CDC27: variants seen among roughly 807,000 people sequenced by gnomAD.
CDC27 encodes cell division cycle protein 27 homolog.
A neutral mutation model predicts 109.7 loss-of-function variants in CDC27; 27 were observed. The observed-to-expected ratio is 0.25, with a 90% CI of 0.18 to 0.34. The LOEUF (loss-of-function observed/expected upper bound fraction) is 0.34, where lower values mean the gene tolerates loss of function less well. CDC27 is among the 10% of genes least tolerant of loss of function. The pLI, the probability that CDC27 is intolerant of heterozygous loss-of-function variation, is 1.00. For missense variants in CDC27, 579 were observed against 960.2 expected, an observed-to-expected ratio of 0.60 and a Z score of 5.25; for synonymous variants, 266 against 333.9, an observed-to-expected ratio of 0.80 and a Z score of 2.22.
At chr17:47,142,965 C>T (rs375751451) in intron 10 of CDC27, among the ~76,000 whole-genome samples, 16 of 145,336 alleles carry the variant, frequency 1.1e-4, no homozygotes, top group Admixed American at 1.1e-3. Flanking sequence ...CATGAGCCAC[C>T]GTGCCCGGCC....
intron 2 of CDC27, 116 bp downstream of exon 2, chr17:47,181,446 C>A (rs1386734376): frequency 3.6e-6 from 2 of 556,602 alleles, no homozygotes; most frequent in African/African-American, 3.8e-5. Flanking sequence ...GAACTAGTGT[C>A]AATCAGAAAA....
At chr17:47,152,029 A>G (rs926947749) in intron 8 of CDC27, 111 bp from the exon 9 acceptor site, 1 of 832,502 alleles carries the variant, frequency 1.2e-6, no homozygotes, top group African/African-American at 1.8e-5. Flanking sequence ...GCCATAATAT[A>G]CTGTCACCTT....
At chr17:47,132,200 A>C in intron 15 of CDC27, 57 bp downstream of exon 15, 1 of 835,290 alleles carries the variant, frequency 1.2e-6, no homozygotes. Context: ...TAAATCAATA[A>C]CAAACATATT....
At chr17:47,134,790 T>C (rs1007366311) in intron 14 of CDC27, among the ~76,000 whole-genome samples, 6 of 150,160 alleles carry the variant, frequency 4.0e-5, no homozygotes, top group South Asian at 2.1e-4. Context: ...GTTTTCTTTT[T>C]TTTTTTTTTT....
intron 1 of CDC27, among the ~76,000 whole-genome samples, chr17:47,186,882 C>T (rs551977854): frequency 3.3e-5 from 5 of 152,240 alleles, no homozygotes; most frequent in Admixed American, 6.5e-5. Context: ...TCATTGCTTT[C>T]CAAATACACG....
At chr17:47,188,888 G>C in intron 1 of CDC27, 1 of 1,385,002 alleles carries the variant, frequency 7.2e-7, no homozygotes. Context: ...AGGCTGGCCG[G>C]ACGTTGGCTC....
Position 47,137,277 on chromosome 17 carries a change from A to G in CDC27, c.1788T>C (p.Val596=). ...TATAGGCATAAGCGTAATTTGGATC[A>G]ACTTGGATAGCTCTCTGGAAGAATT... ...AIKFFQRAIQ[V]DPNYAYAYTL... Residue 596 remains valine (V), a synonymous_variant, in exon 14 of 19, where the codon GTT becomes GTC. Coordinates refer to ENST00000066544, the MANE Select transcript of CDC27 (RefSeq NM_001256.6). 1 of 1,612,188 alleles carries G rather than the reference A, an allele frequency of 6.2e-7. No homozygotes were observed. The highest frequency in any genetic ancestry group is 8.5e-7 in the Non-Finnish European group (1 of 1,179,086).
At chr17:47,129,069 C>T (rs2062237656) in intron 16 of CDC27, among the ~76,000 whole-genome samples, 1 of 152,180 alleles carries the variant, frequency 6.6e-6, no homozygotes, top group Non-Finnish European at 1.5e-5. Flanking sequence ...CTGCGCCTGG[C>T]CCATACATTC....
intron 4 of CDC27, chr17:47,159,703 G>A (rs1279814455): frequency 1.2e-5 from 5 of 420,590 alleles, no homozygotes; most frequent in African/African-American, 2.1e-5. Context: ...CAAACGCCTC[G>A]AACCTGGTGC....
At chr17:47,161,478 C>T (rs1270789945) in intron 4 of CDC27, among the ~76,000 whole-genome samples, 3 of 152,110 alleles carry the variant, frequency 2.0e-5, no homozygotes, top group Non-Finnish European at 2.9e-5. Context: ...CAGCCAGGCA[C>T]GGTGGCTCAT....
At chr17:47,175,332 C>CAAATTT (rs1909399160) in intron 2 of CDC27, among the ~76,000 whole-genome samples, 1 of 152,148 alleles carries the variant, frequency 6.6e-6, no homozygotes, top group Admixed American at 6.5e-5. Flanking sequence ...CTAAAATGGA[C>CAAATTT]CAATTTTGAC....
At chr17:47,163,509 T>C (rs1324669224) in intron 4 of CDC27, among the ~76,000 whole-genome samples, 1 of 152,092 alleles carries the variant, frequency 6.6e-6, no homozygotes, top group Non-Finnish European at 1.5e-5. Flanking sequence ...AAGACCAGCC[T>C]GGGCAACATA....
At chr17:47,135,876 C>T (rs1364808863) in intron 14 of CDC27, among the ~76,000 whole-genome samples, 3 of 152,090 alleles carry the variant, frequency 2.0e-5, no homozygotes, top group African/African-American at 7.2e-5. Flanking sequence ...GGTATGGTGG[C>T]TCATGCCTGT....
At chr17:47,153,913 T>C (rs1159723067) in intron 8 of CDC27, among the ~76,000 whole-genome samples, 1 of 151,890 alleles carries the variant, frequency 6.6e-6, no homozygotes, top group Non-Finnish European at 1.5e-5. Flanking sequence ...TGAGATCCTG[T>C]CTCTACAAAA....
At chr17:47,153,648 A>G (rs753230227) in intron 8 of CDC27, among the ~76,000 whole-genome samples, 5 of 152,220 alleles carry the variant, frequency 3.3e-5, no homozygotes, top group African/African-American at 4.8e-5. Flanking sequence ...CATTTCTTGA[A>G]TATTTATGAA....
chr17:47,121,995 C>T (rs1239659897), intron 18 of CDC27, among the ~76,000 whole-genome samples: 1 of 152,102 alleles, frequency 6.6e-6, no homozygotes, highest in Non-Finnish European at 1.5e-5. Flanking sequence ...ACCTCCACCT[C>T]CCAAAGTGTT....
intron 3 of CDC27, chr17:47,170,918 T>C (rs761166548): frequency 2.0e-5 from 3 of 152,006 alleles, no homozygotes; most frequent in Non-Finnish European, 4.4e-5. Context: ...CTGGGCAACA[T>C]AGTGAGACCC....
rs183107417 is a variant in CDC27 at position 47,136,164 on chromosome 17, A to C, written c.1913+988T>G. Among the ~76,000 whole-genome samples the C allele has an allele frequency of 1.0e-3, 157 of 151,486 alleles. 1 individual carries two copies. The highest frequency in any genetic ancestry group is 5.6e-3 in the South Asian group (27 of 4,806). ...CTCAAAAAACAAACAAACAAACAAA[A>C]AAAAAACTGAGTTCTTAAAATATTA... On this transcript the variant is annotated intron_variant, in intron 14 of 18. Coordinates refer to ENST00000066544, the MANE Select transcript of CDC27 (RefSeq NM_001256.6).
chr17:47,130,122 G>C (rs1437552145), intron 15 of CDC27, among the ~76,000 whole-genome samples: 1 of 152,204 alleles, frequency 6.6e-6, no homozygotes, highest in African/African-American at 2.4e-5. Flanking sequence ...AGCACGTTGG[G>C]AGGCCAAGGC....
Sources: gnomAD v4.1 joint callset for allele counts (sites outside exome capture counted in the v4.1 genomes callset) on GRCh38, gnomAD v4.1.1 for gene constraint, MANE v1.5 for transcripts, NCBI Gene and HGNC (gene_info 2026-07-23, HGNC 2026-07-21) for gene names.